The following CCDC191 variants were observed in gnomAD, a reference collection of about 807,000 sequenced individuals.
CCDC191 encodes the protein coiled-coil domain containing 191.
Under a neutral mutation model 114.0 loss-of-function variants are expected in CCDC191, and 99 were observed. That is an observed-to-expected ratio of 0.87 (90% CI 0.74 to 1.03). The LOEUF is 1.03. CCDC191 is among the 50% of genes least tolerant of loss of function. CCDC191 has a pLI of 0.00. For missense variants in CCDC191, 973 were observed against 1,087.0 expected (o/e 0.90, Z 1.47); for synonymous variants, 351 against 376.0 (o/e 0.93, Z 0.77).
chr3:114,017,417 ACTC>A (rs1240206492), intron 8 of CCDC191, among the ~76,000 whole-genome samples: 6 of 152,018 alleles, frequency 3.9e-5, no homozygotes, highest in African/African-American at 1.4e-4. Context: ...AGTTTACAAT[ACTC>A]CTCAACACCT....
intron 4 of CCDC191, chr3:114,037,010 C>T (rs2107737343): frequency 4.0e-6 from 1 of 253,002 alleles, no homozygotes; most frequent in East Asian, 7.3e-5. Context: ...ACCCAAGTCA[C>T]TAAAGAGTCC....
chr3:114,042,110 C>A (rs1266001761), intron 4 of CCDC191, among the ~76,000 whole-genome samples: 3 of 152,048 alleles, frequency 2.0e-5, no homozygotes, highest in Admixed American at 1.3e-4. Flanking sequence ...TAGTCTGCAT[C>A]AAACAGTCCA....
At chr3:114,030,656 T>G (rs1201172770) in intron 7 of CCDC191, among the ~76,000 whole-genome samples, 1 of 152,218 alleles carries the variant, frequency 6.6e-6, no homozygotes, top group Non-Finnish European at 1.5e-5. Context: ...CCATCAAATA[T>G]GTCTATCGTT....
intron 2 of CCDC191, among the ~76,000 whole-genome samples, chr3:114,047,464 C>A (rs897964811): frequency 6.6e-6 from 1 of 152,058 alleles, no homozygotes; most frequent in African/African-American, 2.4e-5. Flanking sequence ...GAGTTTGAGA[C>A]CAGCCTGGGG....
intron 13 of CCDC191, among the ~76,000 whole-genome samples, chr3:113,995,974 GTTTCT>G (rs1302888331): frequency 0.15 from 19 of 130 alleles, no homozygotes; most frequent in Admixed American, 0.5. Context: ...TGATGGGACT[GTTTCT>G]TTTTTTTTTT....
intron 7 of CCDC191, among the ~76,000 whole-genome samples, chr3:114,029,935 A>C (rs2076380809): frequency 6.6e-6 from 1 of 152,064 alleles, no homozygotes; most frequent in African/African-American, 2.4e-5. Flanking sequence ...GTAATAAATA[A>C]ATGCAGTGTG....
At position 114,056,509 on chromosome 3, in the gene CCDC191, CGCCCTTCT is replaced by C. The variant is rs760404191; in HGVS notation, c.-51_-44del. ...GAACCTCGGCCAAAGCTGCAGCAACCGCCCTTCTGCCCGGGCTGCCTCCGGGTCACGCT... is the reference window on the plus strand; with the variant it reads ...GAACCTCGGCCAAAGCTGCAGCAACCGCCCGGGCTGCCTCCGGGTCACGCT... On this transcript the variant is annotated 5_prime_UTR_variant, in exon 1 of 17. Coordinates refer to ENST00000295878, the MANE Select transcript of CCDC191 (RefSeq NM_020817.2). 44 of 1,613,338 alleles carry C rather than the reference CGCCCTTCT, an allele frequency of 2.7e-5. No individual in the cohort carries two copies. In the South Asian group the frequency reaches 4.5e-4, roughly 17 times the overall value.
At chr3:113,984,958 T>C (rs1287542267) in intron 13 of CCDC191, among the ~76,000 whole-genome samples, 2 of 152,138 alleles carry the variant, frequency 1.3e-5, no homozygotes, top group Non-Finnish European at 2.9e-5. Context: ...GACAGGCATC[T>C]TCAGGGAGGC....
intron 1 of CCDC191, 146 bp downstream of exon 1, chr3:114,056,231 G>C: frequency 1.4e-6 from 1 of 718,190 alleles, no homozygotes. Flanking sequence ...TTTCACTCAG[G>C]GTAATGCTGG....
intron 6 of CCDC191, among the ~76,000 whole-genome samples, chr3:114,034,335 C>A (rs546795621): frequency 6.6e-6 from 1 of 152,070 alleles, no homozygotes; most frequent in African/African-American, 2.4e-5. Flanking sequence ...TGATGATACT[C>A]CCTAAGGCTG....
chr3:114,028,317 G>A (rs903258437), intron 7 of CCDC191, among the ~76,000 whole-genome samples: 14 of 129,718 alleles, frequency 1.1e-4, no homozygotes, highest in South Asian at 2.3e-4. Flanking sequence ...ACGGAGTCTC[G>A]CTCTGTCGCC....
Position 114,002,450 on chromosome 3 carries a change from T to A in CCDC191, c.2061+6A>T. 1.3e-6 allele frequency: 2 copies of A among 1,595,216 alleles called. No homozygotes were observed. Among genetic ancestry groups the A allele is most frequent in the Non-Finnish European group, 1.7e-6 (2 of 1,168,810 alleles). ...TTTGACTCAGTTTGCATTTTGAATCTATTACCAATTTTTCTTCTTCTTGTT... is the reference window on the plus strand; with the variant it reads ...TTTGACTCAGTTTGCATTTTGAATCAATTACCAATTTTTCTTCTTCTTGTT... On this transcript the variant is annotated splice_donor_region_variant and intron_variant, in intron 12 of 16. Coordinates refer to ENST00000295878, the MANE Select transcript of CCDC191 (RefSeq NM_020817.2).
chr3:113,980,281 T>A (rs942350829), intron 14 of CCDC191, among the ~76,000 whole-genome samples: 13 of 152,202 alleles, frequency 8.5e-5, no homozygotes, highest in Admixed American at 3.3e-4. Context: ...ATACTTGAGC[T>A]GTAAGCCACT....
chr3:113,982,654 G>C (rs932551494), intron 13 of CCDC191, among the ~76,000 whole-genome samples: 4 of 151,794 alleles, frequency 2.6e-5, no homozygotes, highest in Non-Finnish European at 5.9e-5. Context: ...AAAAAGTACA[G>C]GGCAATTGAC....
chr3:114,010,680 C>A, intron 9 of CCDC191, 92 bp downstream of exon 9: 1 of 1,304,534 alleles, frequency 7.7e-7, no homozygotes, highest in East Asian at 2.3e-5. Flanking sequence ...TTCTGATAGC[C>A]TAGACAAAGC....
intron 7 of CCDC191, among the ~76,000 whole-genome samples, chr3:114,029,551 A>T (rs1248515057): frequency 6.6e-6 from 1 of 152,200 alleles, no homozygotes; most frequent in African/African-American, 2.4e-5. Context: ...ATGGATGTTA[A>T]CCTTAATGGG....
intron 13 of CCDC191, 106 bp from the exon 14 acceptor site, chr3:113,980,899 G>C: frequency 9.7e-7 from 1 of 1,033,932 alleles, no homozygotes; most frequent in East Asian, 2.5e-5. Context: ...TGAATGGTGT[G>C]TTAATCATGA....
rs752707186 is a variant in CCDC191, at chr3:113,980,714, A to G, written c.2243T>C (p.Leu748Ser). Reference sequence around the variant, plus strand: ...AGGCTCTAGACCTTTTTTCCTTAGCAAGACCCTTTCATAATGTTCTTTGGC... The same window carrying G: ...AGGCTCTAGACCTTTTTTCCTTAGCGAGACCCTTTCATAATGTTCTTTGGC... ...AIAKEHYERV[L>S]LRKKGLEPWK... The change falls in exon 14 of 17, where the codon TTG becomes TCG. Residue 748 changes from leucine (L) to serine (S), a missense_variant. Transcript: ENST00000295878. 5 of 1,609,446 alleles carry G rather than the reference A, an allele frequency of 3.1e-6. No individual in the cohort carries two copies.
intron 8 of CCDC191, among the ~76,000 whole-genome samples, chr3:114,013,998 C>G (rs1308334313): frequency 6.6e-6 from 1 of 152,076 alleles, no homozygotes; most frequent in Non-Finnish European, 1.5e-5. Flanking sequence ...AAATATAGAA[C>G]AAAATTCACA....
Sources: gnomAD v4.1 joint callset for allele counts (sites outside exome capture counted in the v4.1 genomes callset) on GRCh38, gnomAD v4.1.1 for gene constraint, MANE v1.5 for transcripts, NCBI Gene and HGNC (gene_info 2026-07-23, HGNC 2026-07-21) for gene names.